Variants in CHCHD3 observed in about 807,000 individuals in gnomAD.
CHCHD3 encodes coiled-coil-helix-coiled-coil-helix domain containing 3, also known as MICOS complex subunit MIC19.
CHCHD3 carries 20 observed loss-of-function variants against 38.2 expected under a neutral mutation model. The ratio of observed to expected loss-of-function variants is 0.52; its 90% CI spans 0.37 to 0.76. The LOEUF (loss-of-function observed/expected upper bound fraction) is 0.76. CHCHD3 is among the 30% of genes least tolerant of loss of function. CHCHD3 has a pLI of 0.00. For synonymous variants in CHCHD3, 82 were observed against 100.0 expected (o/e 0.82, Z 1.07); for missense variants, 245 against 279.2 (o/e 0.88, Z 0.87).
chr7:133,079,023 A>AT (rs1815091375), intron 1 of CHCHD3, among the ~76,000 whole-genome samples: 1 of 152,234 alleles, frequency 6.6e-6, no homozygotes, highest in African/African-American at 2.4e-5. Context: ...CAAAGTGACT[A>AT]TTTAAAGCCA....
At chr7:132,869,498 C>T (rs1186792607) in intron 5 of CHCHD3, among the ~76,000 whole-genome samples, 1 of 152,112 alleles carries the variant, frequency 6.6e-6, no homozygotes, top group African/African-American at 2.4e-5. Flanking sequence ...AGCTTATGTG[C>T]ACTAAATTAT....
chr7:132,870,916 G>A (rs1808753542), intron 5 of CHCHD3, among the ~76,000 whole-genome samples: 2 of 151,832 alleles, frequency 1.3e-5, no homozygotes, highest in East Asian at 1.9e-4. Flanking sequence ...GAATGCTAAC[G>A]TTTCAAGGAG....
intron 3 of CHCHD3, among the ~76,000 whole-genome samples, chr7:132,991,180 TAAAGGTTAATGGCTGCTGTCTTTATA>T (rs1017418923): frequency 1.3e-5 from 2 of 152,220 alleles, no homozygotes; most frequent in African/African-American, 4.8e-5. Context: ...GATTGATGCA[TAAAGGTTAATGGCTGCTGTCTTTATA>T]AACTGTGCTT....
intron 4 of CHCHD3, among the ~76,000 whole-genome samples, chr7:132,971,626 G>A (rs1041858019): frequency 6.6e-6 from 1 of 151,676 alleles, no homozygotes; most frequent in Non-Finnish European, 1.5e-5. Context: ...GAAAGATGTG[G>A]GGGGTGTGGG....
intron 5 of CHCHD3, among the ~76,000 whole-genome samples, chr7:132,847,808 C>T (rs1050488307): frequency 1.3e-5 from 2 of 152,058 alleles, no homozygotes; most frequent in Non-Finnish European, 1.5e-5. Context: ...TGATCATACC[C>T]ATCGCATGTA....
chr7:132,964,783 A>G (rs1466779378), intron 4 of CHCHD3, among the ~76,000 whole-genome samples: 1 of 152,168 alleles, frequency 6.6e-6, no homozygotes, highest in Non-Finnish European at 1.5e-5. Context: ...TCCTTTGACC[A>G]GTATCTTTTG....
chr7:133,065,166 C>T (rs190358323), intron 2 of CHCHD3, among the ~76,000 whole-genome samples: 1 of 152,212 alleles, frequency 6.6e-6, no homozygotes, highest in East Asian at 1.9e-4. Flanking sequence ...AAAATTGAGG[C>T]AGCAAGGACA....
At chr7:133,000,870 T>C (rs769392213) in intron 3 of CHCHD3, among the ~76,000 whole-genome samples, 1 of 152,202 alleles carries the variant, frequency 6.6e-6, no homozygotes, top group Non-Finnish European at 1.5e-5. Context: ...ACTTCAAGTG[T>C]TTAATAGTCA....
At chr7:132,844,300 AAAAAC>A (rs1808016881) in intron 5 of CHCHD3, among the ~76,000 whole-genome samples, 1 of 152,188 alleles carries the variant, frequency 6.6e-6, no homozygotes, top group African/African-American at 2.4e-5. Flanking sequence ...CTGTCTCAAA[AAAAAC>A]AAAAAAATGT....
rs142491997 is a variant in CHCHD3, at chr7:132,902,427, A to T, written c.370-16682T>A. On this transcript the variant is annotated intron_variant, in intron 4 of 7. Coordinates refer to ENST00000262570, the MANE Select transcript of CHCHD3 (RefSeq NM_017812.4). Reference sequence around the variant, plus strand: ...AGACTTGGAACCAACCCAAATGTCCATCAATGATAGACTGGATTAAGAAAA... The same window carrying T: ...AGACTTGGAACCAACCCAAATGTCCTTCAATGATAGACTGGATTAAGAAAA... Among the ~76,000 whole-genome samples, 993 of 152,350 alleles carry T rather than the reference A, an allele frequency of 6.5e-3. 11 individuals carry two copies. Among genetic ancestry groups the T allele is most frequent in the African/African-American group, 0.022 (921 of 41,572 alleles).
intron 5 of CHCHD3, among the ~76,000 whole-genome samples, chr7:132,851,843 C>T (rs956864475): frequency 1.3e-5 from 2 of 152,186 alleles, no homozygotes; most frequent in African/African-American, 2.4e-5. Flanking sequence ...TTATACAGAA[C>T]GTGTCACATT....
Position 133,081,905 on chromosome 7 carries a change from G to C in CHCHD3, c.33C>G (p.Thr11=), listed in dbSNP as rs776718713. Residue 11 remains threonine, a synonymous_variant, in exon 1 of 8, where the codon ACC becomes ACG. Transcript: ENST00000262570. ...TGTTCTCATTCTCGTCCGCCTCGAA[G>C]GTGACCCGGCGGGTGCTGGTGGTCC... MGGTTSTRRV[T]FEADENENIT... is the part of the protein sequence containing the mutation. 9.6e-6 allele frequency: 15 copies of C among 1,559,972 alleles called. No homozygotes were observed. Among genetic ancestry groups the C allele is most frequent in the Non-Finnish European group, 1.3e-5 (15 of 1,151,596 alleles).
At chr7:132,917,270 C>G (rs1006823791) in intron 4 of CHCHD3, among the ~76,000 whole-genome samples, 1 of 150,780 alleles carries the variant, frequency 6.6e-6, no homozygotes, top group Admixed American at 6.6e-5. Context: ...AAACTAAATC[C>G]CCCCTGCTGA....
intron 5 of CHCHD3, among the ~76,000 whole-genome samples, chr7:132,863,183 T>C (rs1190476043): frequency 2.0e-5 from 3 of 152,212 alleles, no homozygotes; most frequent in African/African-American, 7.2e-5. Flanking sequence ...TATGGCCTTA[T>C]AATACGTATT....
intron 3 of CHCHD3, among the ~76,000 whole-genome samples, chr7:132,990,587 A>G (rs977020769): frequency 6.6e-6 from 1 of 152,176 alleles, no homozygotes; most frequent in African/African-American, 2.4e-5. Flanking sequence ...CATAAAGAGG[A>G]CCGTAAGCTA....
At chr7:132,803,468 C>A (rs1178610199) in intron 6 of CHCHD3, among the ~76,000 whole-genome samples, 1 of 152,130 alleles carries the variant, frequency 6.6e-6, no homozygotes, top group African/African-American at 2.4e-5. Flanking sequence ...TACAATGCAT[C>A]AATCATAGAT....
chr7:133,015,793 T>C (rs1284121969), intron 3 of CHCHD3, among the ~76,000 whole-genome samples: 1 of 152,198 alleles, frequency 6.6e-6, no homozygotes, highest in African/African-American at 2.4e-5. Flanking sequence ...ACTGTGTAAT[T>C]TATAAAGAAA....
chr7:132,817,914 TAAAA>T (rs1430651565), intron 6 of CHCHD3, among the ~76,000 whole-genome samples: 6 of 149,464 alleles, frequency 4.0e-5, no homozygotes, highest in Admixed American at 4.0e-4. Context: ...AAAATAAAAA[TAAAA>T]GAAAGAAAGA....
rs1809895991 is a variant in CHCHD3, at chr7:132,909,787, G to C, written c.370-24042C>G. On this transcript the variant is annotated intron_variant, in intron 4 of 7. Coordinates refer to ENST00000262570, the MANE Select transcript of CHCHD3 (RefSeq NM_017812.4). ...CTACCTTTATCTTCTTCTCTACAAAGCCATACCAGGCTCTATTGACCATTT... is the reference window on the plus strand; with the variant it reads ...CTACCTTTATCTTCTTCTCTACAAACCCATACCAGGCTCTATTGACCATTT... Among the ~76,000 whole-genome samples the C allele has an allele frequency of 1.3e-5, 2 of 152,064 alleles. 1 individual carries two copies. Among genetic ancestry groups the C allele is most frequent in the South Asian group, 4.1e-4 (2 of 4,820 alleles).
Sources: gnomAD v4.1 joint callset for allele counts (sites outside exome capture counted in the v4.1 genomes callset) on GRCh38, gnomAD v4.1.1 for gene constraint, MANE v1.5 for transcripts, NCBI Gene and HGNC (gene_info 2026-07-23, HGNC 2026-07-21) for gene names.